The following RALYL variants were observed in gnomAD, a reference collection of about 807,000 sequenced individuals.
The protein encoded by RALYL is RALY RNA binding protein like, also known as RNA-binding Raly-like protein.
Under a neutral mutation model 35.1 loss-of-function variants are expected in RALYL, and 29 were observed. That is an observed-to-expected ratio of 0.83 (90% CI 0.61 to 1.13). The LOEUF is 1.13. RALYL is among the 50% of genes most tolerant of loss of function. The pLI is 0.00. For missense variants in RALYL, 359 were observed against 360.4 expected, an observed-to-expected ratio of 1.00 and a Z score of 0.03; for synonymous variants, 120 against 127.6, an observed-to-expected ratio of 0.94 and a Z score of 0.40.
intron 1 of RALYL, among the ~76,000 whole-genome samples, chr8:84,353,750 CTGGGAGT>C (rs1470179579): frequency 6.7e-6 from 1 of 150,184 alleles, no homozygotes; most frequent in Non-Finnish European, 1.5e-5. Context: ...TGTTAGAGGA[CTGGGAGT>C]TGTTTCTCTG....
chr8:84,725,658 T>A (rs992857116), intron 2 of RALYL, among the ~76,000 whole-genome samples: 2 of 151,726 alleles, frequency 1.3e-5, no homozygotes, highest in Non-Finnish European at 3.0e-5. Flanking sequence ...CTGTGAGCCC[T>A]TCAATTTAGA....
chr8:84,393,915 T>TA (rs1016198660), intron 1 of RALYL, among the ~76,000 whole-genome samples: 2 of 152,118 alleles, frequency 1.3e-5, no homozygotes, highest in Non-Finnish European at 2.9e-5. Context: ...TATTTTTTAT[T>TA]ATATATCTAC....
intron 8 of RALYL, among the ~76,000 whole-genome samples, chr8:84,888,853 G>A (rs548442519): frequency 2.0e-4 from 31 of 152,138 alleles, no homozygotes; most frequent in African/African-American, 6.0e-4. Context: ...TGGTTCAAGC[G>A]ATTCTCCTGC....
intron 1 of RALYL, among the ~76,000 whole-genome samples, chr8:84,464,140 T>TG (rs1202284952): frequency 2.5e-5 from 3 of 121,158 alleles, no homozygotes; most frequent in African/African-American, 1.0e-4. Flanking sequence ...AGTTTTTTTT[T>TG]TGTTTTTTTT....
chr8:84,314,578 T>G (rs2130086096), intron 1 of RALYL, among the ~76,000 whole-genome samples: 1 of 151,952 alleles, frequency 6.6e-6, no homozygotes, highest in South Asian at 2.1e-4. Flanking sequence ...CATAAAAAAA[T>G]AGTTGAGCAT....
intron 1 of RALYL, among the ~76,000 whole-genome samples, chr8:84,528,667 G>A (rs2059071105): frequency 6.6e-6 from 1 of 151,950 alleles, no homozygotes; most frequent in Non-Finnish European, 1.5e-5. Flanking sequence ...TGTACTATTG[G>A]TTCAAATAAA....
chr8:84,520,976 C>T (rs549431577), intron 1 of RALYL, among the ~76,000 whole-genome samples: 1 of 152,128 alleles, frequency 6.6e-6, no homozygotes, highest in Non-Finnish European at 1.5e-5. Context: ...GGAGCTTATT[C>T]CATTTCCCCA....
At chr8:84,452,383 C>T (rs1587397001) in intron 1 of RALYL, among the ~76,000 whole-genome samples, 1 of 151,742 alleles carries the variant, frequency 6.6e-6, no homozygotes, top group African/African-American at 2.4e-5. Context: ...AAATGTAGCC[C>T]TTATAAAGTG....
intron 2 of RALYL, among the ~76,000 whole-genome samples, chr8:84,682,820 T>G (rs1183451636): frequency 6.7e-6 from 1 of 149,498 alleles, no homozygotes; most frequent in Non-Finnish European, 1.5e-5. Context: ...TTTTGATGGG[T>G]TTTTTTTTGT....
chr8:84,187,833 G>A (rs1812903131), intron 1 of RALYL, among the ~76,000 whole-genome samples: 1 of 151,986 alleles, frequency 6.6e-6, no homozygotes, highest in Admixed American at 6.5e-5. Flanking sequence ...TAGGTCTGTT[G>A]CGTTTTTGCA....
At chr8:84,826,314 A>G (rs1435987014) in intron 4 of RALYL, among the ~76,000 whole-genome samples, 1 of 150,448 alleles carries the variant, frequency 6.6e-6, no homozygotes, top group Non-Finnish European at 1.5e-5. Flanking sequence ...AAAAAAAAAA[A>G]ATGCATGCCT....
At chr8:84,438,175 C>A (rs754973144) in intron 1 of RALYL, among the ~76,000 whole-genome samples, 5 of 152,080 alleles carry the variant, frequency 3.3e-5, no homozygotes, top group Non-Finnish European at 7.4e-5. Flanking sequence ...GGATTAGTTG[C>A]AAATATTTTC....
intron 2 of RALYL, among the ~76,000 whole-genome samples, chr8:84,727,722 G>A (rs1441810640): frequency 6.7e-6 from 1 of 149,518 alleles, no homozygotes; most frequent in African/African-American, 2.5e-5. Context: ...AATATGCCGT[G>A]TTTGGTTTTT....
chr8:84,531,737 C>A (rs1359985973), intron 2 of RALYL, among the ~76,000 whole-genome samples: 1 of 151,948 alleles, frequency 6.6e-6, no homozygotes, highest in Admixed American at 6.6e-5. Flanking sequence ...AGTTTAAGAT[C>A]AATTAAAAGC....
intron 4 of RALYL, among the ~76,000 whole-genome samples, chr8:84,805,975 T>G (rs1824503559): frequency 6.6e-6 from 1 of 152,180 alleles, no homozygotes; most frequent in South Asian, 2.1e-4. Flanking sequence ...ACAATACTGA[T>G]GCTTAATGAC....
At chr8:84,580,974 T>A (rs1285137230) in intron 2 of RALYL, among the ~76,000 whole-genome samples, 1 of 152,150 alleles carries the variant, frequency 6.6e-6, no homozygotes, top group Non-Finnish European at 1.5e-5. Flanking sequence ...CTCACATATC[T>A]GTTGCCTAAT....
intron 2 of RALYL, among the ~76,000 whole-genome samples, chr8:84,718,965 T>C (rs1350272201): frequency 1.3e-5 from 2 of 152,174 alleles, no homozygotes; most frequent in Non-Finnish European, 2.9e-5. Context: ...TACATTATGT[T>C]GTTTCCATTT....
At chr8:84,411,333 T>G (rs928928123) in intron 1 of RALYL, among the ~76,000 whole-genome samples, 1 of 151,860 alleles carries the variant, frequency 6.6e-6, no homozygotes, top group Non-Finnish European at 1.5e-5. Flanking sequence ...TTACAGTATT[T>G]TATTTCCTTG....
At chr8:84,813,713 C>T (rs1408807686) in intron 4 of RALYL, among the ~76,000 whole-genome samples, 1 of 152,158 alleles carries the variant, frequency 6.6e-6, no homozygotes, top group East Asian at 1.9e-4. Flanking sequence ...TGCTTTCACC[C>T]TCATAGGCTT....
Sources: gnomAD v4.1 joint callset for allele counts (sites outside exome capture counted in the v4.1 genomes callset) on GRCh38, gnomAD v4.1.1 for gene constraint, MANE v1.5 for transcripts, NCBI Gene and HGNC (gene_info 2026-07-23, HGNC 2026-07-21) for gene names.